Variants in RIT2 observed in about 807,000 individuals in gnomAD.
RIT2 encodes GTP-binding protein Rit2.
Under a neutral mutation model 23.7 loss-of-function variants are expected in RIT2, and 24 were observed. That is an observed-to-expected ratio of 1.01 (90% CI 0.73 to 1.43). RIT2 has a LOEUF of 1.43. RIT2 is among the 40% of genes most tolerant of loss of function. The probability of loss-of-function intolerance (pLI) is 0.00; values close to 1 mark genes in which losing one functional copy is unlikely to be tolerated. For missense variants in RIT2, 236 were observed against 266.9 expected, an observed-to-expected ratio of 0.88 and a Z score of 0.81; for synonymous variants, 107 against 91.1, an observed-to-expected ratio of 1.17 and a Z score of -0.99.
At chr18:42,786,730 C>T (rs1913930640) in intron 4 of RIT2, among the ~76,000 whole-genome samples, 2 of 152,070 alleles carry the variant, frequency 1.3e-5, no homozygotes, top group Non-Finnish European at 2.9e-5. Flanking sequence ...CACCCACAGA[C>T]CCTACATAAT....
At chr18:43,046,902 AT>A in intron 1 of RIT2, among the ~76,000 whole-genome samples, 1 of 152,322 alleles carries the variant, frequency 6.6e-6, no homozygotes, top group South Asian at 2.1e-4. Context: ...AATAAAAATA[AT>A]TCACATAAAC....
Position 42,743,568 on chromosome 18 carries a change from C to T in RIT2, c.579G>A (p.Lys193=), listed in dbSNP as rs759077601. Residue 193 remains lysine (K), a synonymous_variant, in exon 5 of 5, where the codon AAG becomes AAA. Transcript: ENST00000326695. The part of the protein sequence containing the change: ...KKESMPSLME[K]KLKRKDSLWK... ...ACAGGCTGTCTTTTCTCTTCAGTTT[C>T]TTTTCCATCAAGGATGGCATGGACT... is the stretch of plus-strand genomic sequence containing the variant. 1 of 1,614,020 alleles carries T rather than the reference C, an allele frequency of 6.2e-7. No individual in the cohort carries two copies. The highest frequency in any genetic ancestry group is 1.7e-5 in the Admixed American group (1 of 59,998).
chr18:42,753,589 T>C (rs1913096153), intron 4 of RIT2, among the ~76,000 whole-genome samples: 1 of 152,246 alleles, frequency 6.6e-6, no homozygotes, highest in Non-Finnish European at 1.5e-5. Context: ...CACTGCATTA[T>C]TTCCCATGGA....
chr18:42,839,662 T>G (rs1175197611), intron 4 of RIT2, among the ~76,000 whole-genome samples: 1 of 152,224 alleles, frequency 6.6e-6, no homozygotes, highest in Non-Finnish European at 1.5e-5. Flanking sequence ...TAACATCAAT[T>G]ATGTAGCATC....
chr18:42,747,110 C>T (rs1185574374), intron 4 of RIT2, among the ~76,000 whole-genome samples: 1 of 151,920 alleles, frequency 6.6e-6, no homozygotes, highest in Admixed American at 6.6e-5. Flanking sequence ...GGAAGTAAAA[C>T]TGATGCAGTT....
intron 4 of RIT2, among the ~76,000 whole-genome samples, chr18:42,744,039 C>A (rs1207446791): frequency 2.0e-5 from 3 of 152,152 alleles, no homozygotes; most frequent in African/African-American, 7.2e-5. Context: ...TGACATTACC[C>A]TGTGAAAGTA....
intron 1 of RIT2, among the ~76,000 whole-genome samples, chr18:43,044,317 A>G (rs1375591127): frequency 6.6e-6 from 1 of 152,200 alleles, no homozygotes; most frequent in African/African-American, 2.4e-5. Context: ...CATTTCTACA[A>G]TGAAAGAAGT....
At chr18:43,075,743 C>T (rs539864081) in intron 1 of RIT2, among the ~76,000 whole-genome samples, 1 of 152,226 alleles carries the variant, frequency 6.6e-6, no homozygotes, top group Non-Finnish European at 1.5e-5. Flanking sequence ...CCTCTTGCCA[C>T]GAAGTTTCAT....
intron 4 of RIT2, among the ~76,000 whole-genome samples, chr18:42,776,310 C>T (rs1913671057): frequency 6.6e-6 from 1 of 152,160 alleles, no homozygotes; most frequent in Non-Finnish European, 1.5e-5. Flanking sequence ...TAACTGATGC[C>T]TGACACCTGT....
intron 4 of RIT2, among the ~76,000 whole-genome samples, chr18:42,770,207 A>C (rs1239962731): frequency 6.6e-6 from 1 of 152,198 alleles, no homozygotes; most frequent in African/African-American, 2.4e-5. Context: ...CTGAATGACA[A>C]GCTAACATAA....
chr18:42,813,061 G>A (rs2143979662), intron 4 of RIT2, among the ~76,000 whole-genome samples: 1 of 152,256 alleles, frequency 6.6e-6, no homozygotes, highest in South Asian at 2.1e-4. Flanking sequence ...ACATGAAAGT[G>A]GCTTTATGGC....
At chr18:43,095,823 T>TA (rs1913539101) in intron 1 of RIT2, among the ~76,000 whole-genome samples, 1 of 151,996 alleles carries the variant, frequency 6.6e-6, no homozygotes, top group Non-Finnish European at 1.5e-5. Context: ...CTGGAAATAC[T>TA]TATGTACAGA....
intron 1 of RIT2, among the ~76,000 whole-genome samples, chr18:43,106,639 C>T (rs369939329): frequency 1.8e-4 from 28 of 152,272 alleles, no homozygotes; most frequent in Admixed American, 1.6e-3. Context: ...ACTCCCCCTT[C>T]GGCTTTACAT....
intron 4 of RIT2, among the ~76,000 whole-genome samples, chr18:42,748,430 C>G (rs1912970114): frequency 6.6e-6 from 1 of 151,270 alleles, no homozygotes; most frequent in Non-Finnish European, 1.5e-5. Flanking sequence ...CAAAAAAAAA[C>G]AAACAATAAT....
chr18:42,798,188 TTCA>T (rs1463534532), intron 4 of RIT2, among the ~76,000 whole-genome samples: 4 of 152,240 alleles, frequency 2.6e-5, no homozygotes, highest in African/African-American at 4.8e-5. Flanking sequence ...TTATTCAAAA[TTCA>T]TCATTAAGTA....
At chr18:43,049,973 T>TTTG in intron 1 of RIT2, among the ~76,000 whole-genome samples, 1 of 6,454 alleles carries the variant, frequency 1.5e-4, no homozygotes, top group African/African-American at 2.5e-4. Flanking sequence ...AGGGATTTCC[T>TTTG]TTTTTTTTTT....
intron 1 of RIT2, among the ~76,000 whole-genome samples, chr18:43,050,065 C>G (rs1912342425): frequency 7.3e-6 from 1 of 137,044 alleles, no homozygotes; most frequent in African/African-American, 2.7e-5. Context: ...CTTGCTCTGT[C>G]TCCCAGGATG....
intron 1 of RIT2, among the ~76,000 whole-genome samples, chr18:43,078,197 T>C (rs538664135): frequency 3.3e-5 from 5 of 152,296 alleles, no homozygotes; most frequent in African/African-American, 1.2e-4. Context: ...ACTCCCTGGC[T>C]GAGATTTCAA....
intron 4 of RIT2, among the ~76,000 whole-genome samples, chr18:42,772,132 G>A (rs1913566077): frequency 6.6e-6 from 1 of 152,034 alleles, no homozygotes; most frequent in African/African-American, 2.4e-5. Flanking sequence ...ACTCACCCTA[G>A]GTCACAAAGC....
Sources: allele counts gnomAD v4.1 joint callset (sites outside exome capture counted in the v4.1 genomes callset), GRCh38; gene constraint gnomAD v4.1.1; transcripts MANE v1.5; gene names NCBI Gene and HGNC (gene_info 2026-07-23, HGNC 2026-07-21).